Variants in CHD4 observed in about 807,000 individuals in gnomAD.
CHD4 encodes ATP-dependent chromatin remodeler CHD4.
A neutral mutation model predicts 235.5 loss-of-function variants in CHD4; 35 were observed. The ratio of observed to expected loss-of-function variants is 0.15; its 90% CI spans 0.11 to 0.20. The LOEUF is 0.20. CHD4 is among the 10% of genes least tolerant of loss of function. The pLI, the probability that CHD4 is intolerant of heterozygous loss-of-function variation, is 1.00. For synonymous variants in CHD4, 900 were observed against 850.2 expected, an observed-to-expected ratio of 1.06 and a Z score of -1.02; for missense variants, 1,329 against 2,432.3, an observed-to-expected ratio of 0.55 and a Z score of 9.54.
intron 22 of CHD4, chr12:6,590,203 A>AC (rs1948369279): frequency 7.4e-6 from 1 of 135,540 alleles, no homozygotes; most frequent in East Asian, 2.1e-4. Context: ...ATCCCGAAGA[A>AC]GAAAAAAAAT....
Position 6,605,333 on chromosome 12 carries a change from TGA to T in CHD4, c.100+939_100+940del, listed in dbSNP as rs1341035326. Among the ~76,000 whole-genome samples, 10 of 151,976 alleles carry T rather than the reference TGA, an allele frequency of 6.6e-5. No homozygotes were observed. In the East Asian group the frequency reaches 1.7e-3, roughly 26 times the overall value. On this transcript the variant is annotated intron_variant, in intron 2 of 39. Coordinates refer to ENST00000544040, the MANE Select transcript of CHD4 (RefSeq NM_001273.5). The stretch of plus-strand genomic sequence containing the variant: ...CATGAAGGTCAAGGAGATGAGTAGG[TGA>T]CACAGCTAGGGGCTCTGAAAAAGGA...
rs375091307 is a variant in CHD4, at chr12:6,601,024, T to C, written c.829A>G (p.Ser277Gly). The C allele has an allele frequency of 2.5e-6, 4 of 1,594,892 alleles. No individual in the cohort carries two copies. The highest frequency in any genetic ancestry group is 1.8e-5 in the Admixed American group (1 of 54,214). ...TTCTTGGCATCAGGTACACGAGGGC[T>C]GCCCTTGGGCTTCCTCCGAGCATTG... ...GPNARRKPKG[S>G]PRVPDAKKPK... The change falls in exon 7 of 40, where the codon AGC becomes GGC. Residue 277 changes from serine (S) to glycine (G), a missense_variant. Around this residue, in one of 26 missense-constraint regions of CHD4, gnomAD observed 160 missense variants for 196.6 expected, o/e 0.81. Transcript: ENST00000544040.
At chr12:6,572,525 G>A (rs955662570) in intron 38 of CHD4, among the ~76,000 whole-genome samples, 20 of 152,060 alleles carry the variant, frequency 1.3e-4, no homozygotes, top group African/African-American at 4.6e-4. Flanking sequence ...GAATCCAGGA[G>A]TTCAAGACCC....
Position 6,593,040 on chromosome 12 carries a change from A to G in CHD4, c.2652+51T>C. 6.2e-7 allele frequency: 1 copy of G among 1,604,946 alleles called. No homozygotes were observed. ...GTTTTCCCCTTAATGAATTGGTAGT[A>G]CTAGAAAAAACCCAAAGTGGGGGCT... On this transcript the variant is annotated intron_variant, in intron 17 of 39. Transcript: ENST00000544040. This position sits in a 1 kb window ranked among gnomAD's most constrained non-coding sequence, Gnocchi z 4.9.
At chr12:6,600,504 C>T in intron 8 of CHD4, 30 bp downstream of exon 8, 1 of 1,612,890 alleles carries the variant, frequency 6.2e-7, no homozygotes, top group Non-Finnish European at 8.5e-7. Context: ...CCACCTCATC[C>T]CATCACAAAT....
chr12:6,602,289 A>G, intron 3 of CHD4, 87 bp downstream of exon 3: 1 of 1,601,824 alleles, frequency 6.2e-7, no homozygotes, highest in South Asian at 1.1e-5. Flanking sequence ...CTTCTGAGAA[A>G]GAAACAAATG....
At chr12:6,591,082 C>T (rs773707679) in intron 22 of CHD4, among the ~76,000 whole-genome samples, 18 of 143,114 alleles carry the variant, frequency 1.3e-4, no homozygotes, top group Admixed American at 5.8e-4. Context: ...AAGATCGTGC[C>T]GCTGCACTCC....
chr12:6,584,129 A>T (rs1948241246), intron 25 of CHD4: 1 of 152,198 alleles, frequency 6.6e-6, no homozygotes, highest in African/African-American at 2.4e-5. Context: ...GTCTGTACTC[A>T]ACATTTACAG....
chr12:6,600,743 T>TC, intron 7 of CHD4, 74 bp from the exon 8 acceptor site: 2 of 1,560,898 alleles, frequency 1.3e-6, no homozygotes, highest in Admixed American at 3.6e-5. Context: ...AGGGGAGTAC[T>TC]CTCTCACTGG....
At chr12:6,596,967 TAATA>T (rs926273708) in intron 12 of CHD4, among the ~76,000 whole-genome samples, 3 of 145,762 alleles carry the variant, frequency 2.1e-5, no homozygotes, top group Admixed American at 6.9e-5. Context: ...TCAAAAAATA[TAATA>T]AATAAATAAA....
intron 38 of CHD4, among the ~76,000 whole-genome samples, chr12:6,572,331 CAGG>C (rs1369061889): frequency 1.2e-4 from 18 of 150,834 alleles, no homozygotes; most frequent in Non-Finnish European, 2.4e-4. Context: ...GAGGCTGAGG[CAGG>C]AGAATTGCTT....
Position 6,585,580 on chromosome 12 carries a change from C to A in CHD4, c.3879+1804G>T, listed in dbSNP as rs1010881181. ...TACAGGCGTGAGCCACCACGTCTGG[C>A]CCAATTCTAATCTTTAAAAAAACAT... On this transcript the variant is annotated intron_variant, in intron 25 of 39. Transcript: ENST00000544040. Among the ~76,000 whole-genome samples, 5 of 151,662 alleles carry A rather than the reference C, an allele frequency of 3.3e-5. No homozygotes were observed. In the East Asian group the frequency reaches 7.8e-4, roughly 24 times the overall value.
Position 6,581,719 on chromosome 12 carries a change from G to C in CHD4, c.4611C>G (p.Ser1537=). Residue 1537 remains serine (S), a synonymous_variant, in exon 31 of 40, where the codon TCC becomes TCG. Coordinates refer to ENST00000544040, the MANE Select transcript of CHD4 (RefSeq NM_001273.5). The part of the protein sequence containing the change: ...NKKMSQPGSP[S]PKTPTPSTPG... ...GAGTGGAGGGTGTAGGAGTTTTTGG[G>C]GAGGGTGACCCTGGCTGGGACATCT... 6.2e-7 allele frequency: 1 copy of C among 1,607,584 alleles called. No homozygotes were observed. Among genetic ancestry groups the C allele is most frequent in the African/African-American group, 1.3e-5 (1 of 74,916 alleles).
Position 6,606,404 on chromosome 12 carries a change from C to T in CHD4, c.-31G>A. 1 of 1,507,482 alleles carries T rather than the reference C, an allele frequency of 6.6e-7. No homozygotes were observed. Among genetic ancestry groups the T allele is most frequent in the Admixed American group, 2.1e-5 (1 of 48,376 alleles). The allele number at this position is 1,507,482 out of a possible 1,614,324, so 93.4% of individuals were successfully genotyped here. ...TCCGCTCCCGGCCAGGGAATTGGCC[C>T]AGCTGCTCCTGCCGGCGGCCTGAGG... On this transcript the variant is annotated 5_prime_UTR_variant, in exon 2 of 40. Coordinates refer to ENST00000544040, the MANE Select transcript of CHD4 (RefSeq NM_001273.5).
At chr12:6,601,559 G>T in intron 5 of CHD4, 29 bp from the exon 6 acceptor site, 1 of 1,613,828 alleles carries the variant, frequency 6.2e-7, no homozygotes, top group Non-Finnish European at 8.5e-7. Context: ...AGAGCAGAGG[G>T]AAAGGTTTAA....
chr12:6,583,022 C>G lies in CHD4; in HGVS notation c.4147+5G>C. ...GAAAAGCAACAAAAAAAGCACAGCCCTCACCTTCTGAACGTTCATCAAAGT... is the reference window on the plus strand; with the variant it reads ...GAAAAGCAACAAAAAAAGCACAGCCGTCACCTTCTGAACGTTCATCAAAGT... On this transcript the variant is annotated splice_donor_5th_base_variant and intron_variant, in intron 27 of 39. Transcript: ENST00000544040. The G allele has an allele frequency of 1.9e-6, 3 of 1,582,962 alleles. No homozygotes were observed. Among genetic ancestry groups the G allele is most frequent in the Admixed American group, 3.6e-5 (2 of 55,212 alleles).
At chr12:6,586,605 G>A (rs1209136135) in intron 25 of CHD4, among the ~76,000 whole-genome samples, 1 of 151,940 alleles carries the variant, frequency 6.6e-6, no homozygotes, top group South Asian at 2.1e-4. Flanking sequence ...ATCTACTAGG[G>A]TCACTCTTCA....
At chr12:6,600,443 C>T (rs1189934484) in intron 8 of CHD4, 48 bp from the exon 9 acceptor site, 14 of 1,606,978 alleles carry the variant, frequency 8.7e-6, no homozygotes, top group South Asian at 2.2e-5. Flanking sequence ...AAACTACCTC[C>T]CCCCACCCCC....
chr12:6,591,450 ACTC>A lies in CHD4; in HGVS notation c.3340+13_3340+15del, dbSNP rs1414574998. ...AAATGAGGATTCCTGAAACTAAACAACTCCTTCTCTCTCACCATTGAAGCGGTC... is the reference window on the plus strand; with the variant it reads ...AAATGAGGATTCCTGAAACTAAACAACTTCTCTCTCACCATTGAAGCGGTC... On this transcript the variant is annotated intron_variant, in intron 22 of 39. Transcript: ENST00000544040. 2.5e-6 allele frequency: 4 copies of A among 1,599,176 alleles called. No homozygotes were observed. In the Admixed American group the frequency reaches 6.8e-5, roughly 27 times the overall value.
Sources: gnomAD v4.1 joint callset for allele counts (sites outside exome capture counted in the v4.1 genomes callset) on GRCh38, gnomAD v4.1.1 for gene constraint, gnomAD v4.1.1 regional missense constraint, Gnocchi (gnomAD v3.1) non-coding constraint, MANE v1.5 for transcripts, NCBI Gene and HGNC (gene_info 2026-07-23, HGNC 2026-07-21) for gene names.